The following CSMD1 variants were observed in gnomAD, a reference collection of about 807,000 sequenced individuals.
The protein encoded by CSMD1 is CUB and sushi domain-containing protein 1.
In CSMD1, 213 loss-of-function variants were observed where a neutral mutation model predicts 417.5. The ratio of observed to expected loss-of-function variants is 0.51; its 90% CI spans 0.46 to 0.57. The LOEUF (loss-of-function observed/expected upper bound fraction) is 0.57. Among genes scored for constraint, CSMD1 ranks in the 20% least tolerant of loss-of-function variants. The probability of loss-of-function intolerance (pLI) is 0.00; values close to 1 mark genes in which losing one functional copy is unlikely to be tolerated. For missense variants in CSMD1, 6,923 were observed against 4,529.7 expected, an observed-to-expected ratio of 1.53 and a Z score of -15.17; for synonymous variants, 2,862 against 1,736.8, an observed-to-expected ratio of 1.65 and a Z score of -16.11.
chr8:3,679,509 A>C (rs545371998), intron 7 of CSMD1, among the ~76,000 whole-genome samples: 2 of 152,210 alleles, frequency 1.3e-5, no homozygotes, highest in Non-Finnish European at 2.9e-5. Context: ...TATTCACCCA[A>C]TACAGGAGCA....
chr8:4,472,745 G>A (rs1338606947), intron 2 of CSMD1, among the ~76,000 whole-genome samples: 2 of 151,788 alleles, frequency 1.3e-5, no homozygotes, highest in Non-Finnish European at 2.9e-5. Context: ...AACTGTGGAC[G>A]TTCACTTCTT....
intron 1 of CSMD1, among the ~76,000 whole-genome samples, chr8:4,935,754 G>T (rs962076377): frequency 1.3e-5 from 2 of 152,178 alleles, no homozygotes; most frequent in Non-Finnish European, 2.9e-5. Flanking sequence ...AATCTGAGAA[G>T]TTCTTCTGTG....
At chr8:3,069,428 C>G (rs528383648) in intron 49 of CSMD1, among the ~76,000 whole-genome samples, 1 of 149,970 alleles carries the variant, frequency 6.7e-6, no homozygotes, top group East Asian at 2.0e-4. Flanking sequence ...GAGTGAGACT[C>G]TGTCTGAAAA....
At chr8:3,496,712 G>C (rs28541635) in intron 10 of CSMD1, among the ~76,000 whole-genome samples, 11,998 of 152,030 alleles carry the variant, frequency 0.079, 487 homozygotes, top group African/African-American at 0.096. Flanking sequence ...TATAGCCCCA[G>C]CTACTCGGGA....
intron 1 of CSMD1, among the ~76,000 whole-genome samples, chr8:4,779,233 C>A (rs915967420): frequency 2.0e-5 from 3 of 152,174 alleles, no homozygotes; most frequent in Non-Finnish European, 2.9e-5. Flanking sequence ...TAACGTCTCC[C>A]AGCCTCCTGT....
chr8:4,073,852 A>T (rs1799685667), intron 3 of CSMD1, among the ~76,000 whole-genome samples: 1 of 152,132 alleles, frequency 6.6e-6, no homozygotes. Context: ...GGTTTAAAAC[A>T]GTTTAAATTC....
intron 1 of CSMD1, among the ~76,000 whole-genome samples, chr8:4,720,260 A>G (rs1458491982): frequency 6.6e-6 from 1 of 151,836 alleles, no homozygotes; most frequent in Non-Finnish European, 1.5e-5. Flanking sequence ...TTTTTGGAAA[A>G]GTTGGAAAAA....
chr8:3,010,543 G>A (rs562805123), intron 52 of CSMD1, among the ~76,000 whole-genome samples: 27 of 151,962 alleles, frequency 1.8e-4, no homozygotes, highest in African/African-American at 6.0e-4. Context: ...GCCGCACTCC[G>A]CATCTATGCT....
intron 23 of CSMD1, among the ~76,000 whole-genome samples, chr8:3,339,699 G>C (rs1328942544): frequency 2.0e-5 from 3 of 152,160 alleles, no homozygotes; most frequent in African/African-American, 4.8e-5. Context: ...TGGACCCTCA[G>C]TGTCACCAGG....
intron 3 of CSMD1, among the ~76,000 whole-genome samples, chr8:4,254,774 A>T (rs949773081): frequency 7.9e-5 from 12 of 152,162 alleles, no homozygotes; most frequent in Admixed American, 2.6e-4. Flanking sequence ...AGTTGCCTAC[A>T]GTCTGCAGGA....
chr8:4,351,590 C>T (rs1801096658), intron 3 of CSMD1, among the ~76,000 whole-genome samples: 1 of 152,080 alleles, frequency 6.6e-6, no homozygotes, highest in Admixed American at 6.5e-5. Flanking sequence ...ATGCAAAAAT[C>T]CTGAAAGAGA....
intron 4 of CSMD1, among the ~76,000 whole-genome samples, chr8:3,999,286 G>A (rs1815472818): frequency 6.6e-6 from 1 of 152,100 alleles, no homozygotes; most frequent in Non-Finnish European, 1.5e-5. Context: ...GGAGTTTGCT[G>A]TAAGCAGAGG....
chr8:3,575,020 G>C lies in CSMD1; in HGVS notation c.1269C>G (p.Thr423=), dbSNP rs527938837. The change falls in exon 10 of 70, where the codon ACC becomes ACG. Residue 423 remains threonine (T), a synonymous_variant. Coordinates refer to ENST00000635120, the MANE Select transcript of CSMD1 (RefSeq NM_033225.6). ...SNLRGPSGVI[T]SPNYPVQYED... is the part of the protein sequence containing the mutation. ...CATACTGAACCGGATAATTAGGGGA[G>C]GTAATGACGCCGCTGGGCCCACGCA... 5.0e-6 allele frequency: 8 copies of C among 1,613,476 alleles called. No homozygotes were observed. The Admixed American group carries it at 8.3e-5, about 17-fold the overall frequency.
At chr8:3,042,049 C>T (rs563800045) in intron 50 of CSMD1, among the ~76,000 whole-genome samples, 1 of 152,116 alleles carries the variant, frequency 6.6e-6, no homozygotes, top group Non-Finnish European at 1.5e-5. Context: ...ACTGGGAACC[C>T]AAGCCTCCCT....
At chr8:4,740,774 C>A (rs141344237) in intron 1 of CSMD1, among the ~76,000 whole-genome samples, 10 of 152,210 alleles carry the variant, frequency 6.6e-5, no homozygotes, top group African/African-American at 2.2e-4. Flanking sequence ...TCTACCTCTT[C>A]TCTTAGGTAT....
At chr8:3,580,119 T>G (rs781145165) in intron 9 of CSMD1, among the ~76,000 whole-genome samples, 13 of 150,370 alleles carry the variant, frequency 8.6e-5, no homozygotes, top group Admixed American at 2.0e-4. Context: ...GAAAAGAAAA[T>G]AAAAAGAAAG....
chr8:4,445,244 G>A (rs532694938), intron 2 of CSMD1, among the ~76,000 whole-genome samples: 3 of 151,740 alleles, frequency 2.0e-5, no homozygotes, highest in Admixed American at 6.6e-5. Flanking sequence ...TTTTTCTCTT[G>A]TTCTCTTTCT....
chr8:3,375,834 T>C (rs930149242), intron 18 of CSMD1, among the ~76,000 whole-genome samples: 2 of 152,310 alleles, frequency 1.3e-5, no homozygotes, highest in Non-Finnish European at 2.9e-5. Flanking sequence ...CTACCTTCAG[T>C]GATTCACACC....
At chr8:3,454,272 C>G (rs1176256372) in intron 12 of CSMD1, among the ~76,000 whole-genome samples, 1 of 152,088 alleles carries the variant, frequency 6.6e-6, no homozygotes, top group Non-Finnish European at 1.5e-5. Flanking sequence ...ATCCAATTTG[C>G]CAGTCTGTGT....
Sources: allele counts gnomAD v4.1 joint callset (sites outside exome capture counted in the v4.1 genomes callset), GRCh38; gene constraint gnomAD v4.1.1; transcripts MANE v1.5; gene names NCBI Gene and HGNC (gene_info 2026-07-23, HGNC 2026-07-21).